The following PDCD11 variants were observed in gnomAD, a reference collection of about 807,000 sequenced individuals.
PDCD11 encodes protein RRP5 homolog.
A neutral mutation model predicts 198.9 loss-of-function variants in PDCD11; 97 were observed. That is an observed-to-expected ratio of 0.49 (90% CI 0.41 to 0.58). The LOEUF is 0.58. Among genes scored for constraint, PDCD11 ranks in the 20% least tolerant of loss-of-function variants. The pLI, the probability that PDCD11 is intolerant of heterozygous loss-of-function variation, is 0.00. For synonymous variants in PDCD11, 893 were observed against 918.0 expected, an observed-to-expected ratio of 0.97 and a Z score of 0.49; for missense variants, 2,102 against 2,312.7, an observed-to-expected ratio of 0.91 and a Z score of 1.87.
In PDCD11 at chr10:103,406,104, C is replaced by G. The variant is rs151246713; in HGVS notation, c.684C>G (p.Asn228Lys). Residue 228 changes from asparagine (N) to lysine (K), a missense_variant, in exon 6 of 36, where the codon AAC becomes AAG. Physicochemically the swap from Asn to Lys is moderately conservative, Grantham distance 94 (BLOSUM62 0). Coordinates refer to ENST00000369797, the MANE Select transcript of PDCD11 (RefSeq NM_014976.2). ...LKAQEYIRQK[N>K]KGAKLKVGQY... The stretch of plus-strand genomic sequence containing the variant: ...CCCAGGAGTACATCAGACAGAAGAA[C>G]AAAGGTGAGGGCAAGAAAAGGGGCC... The G allele has an allele frequency of 6.8e-6, 11 of 1,613,736 alleles. No individual in the cohort carries two copies. Among genetic ancestry groups the G allele is most frequent in the Admixed American group, 6.7e-5 (4 of 59,958 alleles).
chr10:103,398,105 G>T (rs2093446916), intron 1 of PDCD11, among the ~76,000 whole-genome samples: 1 of 152,170 alleles, frequency 6.6e-6, no homozygotes, highest in Admixed American at 6.5e-5. Flanking sequence ...GAAGGCAGAG[G>T]ATTATATATT....
intron 9 of PDCD11, 74 bp from the exon 10 acceptor site, chr10:103,413,892 T>A: frequency 7.0e-7 from 1 of 1,427,892 alleles, no homozygotes; most frequent in Non-Finnish European, 9.5e-7. Flanking sequence ...TTGAGTCCTC[T>A]CTATGGGCTG....
intron 30 of PDCD11, 71 bp from the exon 31 acceptor site, chr10:103,441,755 G>A (rs1312204965): frequency 1.4e-6 from 2 of 1,447,258 alleles, no homozygotes; most frequent in East Asian, 2.3e-5. Flanking sequence ...GCTCCTCCAG[G>A]TGGGCTGGCA....
intron 5 of PDCD11, among the ~76,000 whole-genome samples, chr10:103,405,553 G>A (rs2030396731): frequency 6.6e-6 from 1 of 151,954 alleles, no homozygotes; most frequent in South Asian, 2.1e-4. Context: ...CAGGTGCCAT[G>A]CCCAGCTAAT....
At chr10:103,435,880 G>GTTT (rs1348354626) in intron 25 of PDCD11, among the ~76,000 whole-genome samples, 3 of 152,004 alleles carry the variant, frequency 2.0e-5, no homozygotes, top group Non-Finnish European at 4.4e-5. Flanking sequence ...TGAAATTGAT[G>GTTT]GGTTACATAC....
chr10:103,411,743 G>A (rs1159155330), intron 8 of PDCD11, among the ~76,000 whole-genome samples: 1 of 152,088 alleles, frequency 6.6e-6, no homozygotes, highest in Non-Finnish European at 1.5e-5. Context: ...TGGTAATACT[G>A]TTAATATTTT....
chr10:103,407,235 G>A (rs2030510812), intron 7 of PDCD11, among the ~76,000 whole-genome samples: 1 of 151,882 alleles, frequency 6.6e-6, no homozygotes, highest in African/African-American at 2.4e-5. Flanking sequence ...TCCATCTTAG[G>A]CATTGAGTTT....
At chr10:103,444,895 C>T (rs557743022) in intron 35 of PDCD11, among the ~76,000 whole-genome samples, 2 of 152,338 alleles carry the variant, frequency 1.3e-5, no homozygotes, top group African/African-American at 2.4e-5. Flanking sequence ...AGGAGGTAGC[C>T]TTGTCAAGAG....
Position 103,434,092 on chromosome 10 carries a change from A to G in PDCD11, c.3564+55A>G, listed in dbSNP as rs892718827. ...GACCCAAGTTCCCTAAGCTTGGCCC[A>G]GTGCCTGGTGTGTGGGTTTACAGTG... On this transcript the variant is annotated intron_variant, in intron 23 of 35. Transcript: ENST00000369797. 5 of 1,423,044 alleles carry G rather than the reference A, an allele frequency of 3.5e-6. No homozygotes were observed. The African/African-American group carries it at 4.2e-5, about 12-fold the overall frequency. 88.2% of individuals were successfully genotyped at this position (1,423,044 alleles called of 1,614,324 possible).
chr10:103,438,545 A>C, intron 26 of PDCD11, 141 bp from the exon 27 acceptor site: 1 of 1,093,926 alleles, frequency 9.1e-7, no homozygotes, highest in Non-Finnish European at 1.3e-6. Context: ...GAGAGAGTAG[A>C]GTTGGGCTCT....
chr10:103,444,122 A>G (rs1592144861), intron 34 of PDCD11, 54 bp downstream of exon 34: 1 of 1,502,212 alleles, frequency 6.7e-7, no homozygotes, highest in Non-Finnish European at 9.1e-7. Flanking sequence ...ATCGGGGAGT[A>G]GGAACTGGCT....
intron 21 of PDCD11, among the ~76,000 whole-genome samples, chr10:103,430,935 A>G (rs372814583): frequency 3.3e-5 from 5 of 152,108 alleles, no homozygotes; most frequent in Admixed American, 6.5e-5. Flanking sequence ...AATAGCTGGG[A>G]TTACAAGCGC....
chr10:103,402,541 T>C (rs548008143), intron 3 of PDCD11, among the ~76,000 whole-genome samples: 126 of 150,410 alleles, frequency 8.4e-4, no homozygotes, highest in African/African-American at 2.8e-3. Context: ...CAGGTTCAGG[T>C]GATTCTCCTG....
At chr10:103,434,114 A>G in intron 23 of PDCD11, 77 bp downstream of exon 23, 3 of 1,289,894 alleles carry the variant, frequency 2.3e-6, no homozygotes, top group East Asian at 4.6e-5. Flanking sequence ...GTGGGTTTAC[A>G]GTGGATTTGA....
intron 20 of PDCD11, among the ~76,000 whole-genome samples, chr10:103,426,551 T>G (rs1230760064): frequency 4.6e-5 from 7 of 152,100 alleles, no homozygotes; most frequent in Non-Finnish European, 7.4e-5. Context: ...TCCAGCACTT[T>G]TGGGAGGCTG....
Position 103,423,536 on chromosome 10 carries a change from A to G in PDCD11, c.2648-7A>G. The G allele has an allele frequency of 6.3e-7, 1 of 1,595,154 alleles. No homozygotes were observed. Among genetic ancestry groups the G allele is most frequent in the Non-Finnish European group, 8.6e-7 (1 of 1,162,726 alleles). On this transcript the variant is annotated splice_polypyrimidine_tract_variant and splice_region_variant and intron_variant, in intron 18 of 35. Coordinates refer to ENST00000369797, the MANE Select transcript of PDCD11 (RefSeq NM_014976.2). ...AAGGATAATCACACTGTGGTTCTGC[A>G]CTGCAGGGCAGGAGGTGGAATCTGG...
chr10:103,423,616 C>T lies in PDCD11; in HGVS notation c.2721C>T (p.His907=), dbSNP rs183860702. Residue 907 remains histidine, a synonymous_variant, in exon 19 of 36, where the codon CAC becomes CAT. Coordinates refer to ENST00000369797, the MANE Select transcript of PDCD11 (RefSeq NM_014976.2). Reference sequence around the variant, plus strand: ...TTGATCTTTTGAAGTTGGAAGTGCACGTTTCCCTTCACCAGGACTTGGTGA... The same window carrying T: ...TTGATCTTTTGAAGTTGGAAGTGCATGTTTCCCTTCACCAGGACTTGGTGA... The part of the protein sequence containing the change: ...LNVDLLKLEV[H]VSLHQDLVNR... 4.7e-5 allele frequency: 76 copies of T among 1,613,744 alleles called. No individual in the cohort carries two copies. The East Asian group carries it at 1.2e-3, about 26-fold the overall frequency.
chr10:103,409,586 G>T, intron 7 of PDCD11, 113 bp from the exon 8 acceptor site: 1 of 697,426 alleles, frequency 1.4e-6, no homozygotes, highest in South Asian at 1.7e-5. Context: ...CCTGGGAGAG[G>T]AGAGATACAC....
Position 103,439,247 on chromosome 10 carries a change from C to T in PDCD11, c.4025+439C>T, listed in dbSNP as rs1029699232. Among the ~76,000 whole-genome samples the T allele has an allele frequency of 6.3e-4, 96 of 152,206 alleles. 1 individual carries two copies. Among genetic ancestry groups the T allele is most frequent in the African/African-American group, 2.0e-3 (83 of 41,528 alleles). ...GTCCCAGCTATTTGGAAGGCTGAGG[C>T]GGGAGGATTGCTTGAGCCCATAAGT... On this transcript the variant is annotated intron_variant, in intron 27 of 35. Coordinates refer to ENST00000369797, the MANE Select transcript of PDCD11 (RefSeq NM_014976.2).
Sources: allele counts gnomAD v4.1 joint callset (sites outside exome capture counted in the v4.1 genomes callset), GRCh38; gene constraint gnomAD v4.1.1; transcripts MANE v1.5; gene names NCBI Gene and HGNC (gene_info 2026-07-23, HGNC 2026-07-21).